The following NXPE2 variants were observed in gnomAD, a reference collection of about 807,000 sequenced individuals.
NXPE2 encodes NXPE family member 2.
Under a neutral mutation model 34.4 loss-of-function variants are expected in NXPE2, and 34 were observed. The ratio of observed to expected loss-of-function variants is 0.99; its 90% CI spans 0.75 to 1.31. The LOEUF (loss-of-function observed/expected upper bound fraction) is 1.31. NXPE2 is among the 40% of genes most tolerant of loss of function. The probability of loss-of-function intolerance (pLI) is 0.00; values close to 1 mark genes in which losing one functional copy is unlikely to be tolerated. For missense variants in NXPE2, 649 were observed against 672.5 expected, an observed-to-expected ratio of 0.97 and a Z score of 0.39; for synonymous variants, 235 against 231.3, an observed-to-expected ratio of 1.02 and a Z score of -0.15.
At chr11:114,503,719 A>C in the NXPE2 span, among the ~76,000 whole-genome samples, 2 of 152,272 alleles carry the variant, frequency 1.3e-5, no homozygotes, top group South Asian at 4.1e-4. Flanking sequence ...AGAAATTGGC[A>C]GGGAGGCCGT....
the NXPE2 span, among the ~76,000 whole-genome samples, chr11:114,598,110 A>C: frequency 6.6e-6 from 1 of 152,314 alleles, no homozygotes; most frequent in South Asian, 2.1e-4. Context: ...TACATTCTAA[A>C]AGGGAAAAAT....
the NXPE2 span, among the ~76,000 whole-genome samples, chr11:114,519,604 C>A: frequency 6.6e-6 from 1 of 152,088 alleles, no homozygotes; most frequent in Non-Finnish European, 1.5e-5. Context: ...ATAATTCAAT[C>A]TGGTTTTAAA....
the NXPE2 span, among the ~76,000 whole-genome samples, chr11:114,806,045 G>A: frequency 2.0e-4 from 30 of 152,122 alleles, no homozygotes; most frequent in East Asian, 1.2e-3. Flanking sequence ...ACCAATATCC[G>A]CTGTTCTGCA....
chr11:114,551,201 T>G, the NXPE2 span: 1 of 1,529,452 alleles, frequency 6.5e-7, no homozygotes, highest in South Asian at 1.2e-5. Flanking sequence ...TTTGAGGACA[T>G]GACGAATGTC....
At chr11:114,695,696 T>C (rs1428612125) in intron 2 of NXPE2, among the ~76,000 whole-genome samples, 7 of 151,978 alleles carry the variant, frequency 4.6e-5, no homozygotes, top group Non-Finnish European at 5.9e-5. Context: ...TCAGAATGTA[T>C]AAAAAGAAGA....
the NXPE2 span, among the ~76,000 whole-genome samples, chr11:114,484,932 G>A: frequency 6.6e-6 from 1 of 152,134 alleles, no homozygotes; most frequent in South Asian, 2.1e-4. Context: ...GTGACTTAGA[G>A]CAAGTCAATT....
the NXPE2 span, among the ~76,000 whole-genome samples, chr11:114,786,142 A>G: frequency 6.6e-6 from 1 of 152,176 alleles, no homozygotes; most frequent in Non-Finnish European, 1.5e-5. Flanking sequence ...CTGAATTTGT[A>G]CTGAGCTTTG....
chr11:114,800,819 AAATCTG>A, the NXPE2 span, among the ~76,000 whole-genome samples: 1 of 152,226 alleles, frequency 6.6e-6, no homozygotes, highest in Non-Finnish European at 1.5e-5. Context: ...TGTGGGGATT[AAATCTG>A]ACTAATGCAA....
At chr11:114,755,098 A>C in the NXPE2 span, among the ~76,000 whole-genome samples, 1 of 152,184 alleles carries the variant, frequency 6.6e-6, no homozygotes, top group East Asian at 1.9e-4. Flanking sequence ...GGAAAATGCA[A>C]GGACAATTGG....
chr11:114,470,903 T>C, the NXPE2 span, among the ~76,000 whole-genome samples: 1 of 152,208 alleles, frequency 6.6e-6, no homozygotes, highest in African/African-American at 2.4e-5. Flanking sequence ...AAAATACCTT[T>C]ACAGCAACAT....
At chr11:114,799,291 CAAA>C in the NXPE2 span, among the ~76,000 whole-genome samples, 63 of 94,274 alleles carry the variant, frequency 6.7e-4, no homozygotes, top group Middle Eastern at 7.0e-3. Context: ...GGCAATGAAG[CAAA>C]AAAAAAAAAA....
chr11:114,611,931 G>A, the NXPE2 span, among the ~76,000 whole-genome samples: 4 of 152,008 alleles, frequency 2.6e-5, no homozygotes, highest in African/African-American at 9.6e-5. Flanking sequence ...TTTGCCCGGT[G>A]GGTAACCACT....
the NXPE2 span, among the ~76,000 whole-genome samples, chr11:114,507,247 CAA>C: frequency 6.6e-5 from 6 of 91,390 alleles, no homozygotes; most frequent in Admixed American, 2.3e-4. Flanking sequence ...GCCAACCAAC[CAA>C]AAAAAAAAAA....
At chr11:114,537,782 G>A in the NXPE2 span, among the ~76,000 whole-genome samples, 1 of 151,624 alleles carries the variant, frequency 6.6e-6, no homozygotes, top group Non-Finnish European at 1.5e-5. Flanking sequence ...AAATAAAAGA[G>A]GATACAAACA....
At chr11:114,799,651 C>T in the NXPE2 span, among the ~76,000 whole-genome samples, 3 of 152,316 alleles carry the variant, frequency 2.0e-5, no homozygotes, top group Middle Eastern at 3.4e-3. Context: ...TCTTCCAGGC[C>T]TGTGAGGCAG....
At chr11:114,697,995 A>C in intron 2 of NXPE2, 50 bp from the exon 3 acceptor site, 1 of 1,409,110 alleles carries the variant, frequency 7.1e-7, no homozygotes, top group Non-Finnish European at 9.3e-7. Context: ...ATTGAAAAGC[A>C]AGCCCTATTG....
the NXPE2 span, among the ~76,000 whole-genome samples, chr11:114,565,387 T>G: frequency 6.6e-6 from 1 of 152,218 alleles, no homozygotes; most frequent in Non-Finnish European, 1.5e-5. Flanking sequence ...ATCATTGTAT[T>G]TTATTTAACA....
the NXPE2 span, among the ~76,000 whole-genome samples, chr11:114,647,705 A>ATTT: frequency 6.8e-6 from 1 of 147,456 alleles, no homozygotes; most frequent in Non-Finnish European, 1.5e-5. Flanking sequence ...ATTTTATTTT[A>ATTT]TTTTTTTTTT....
At chr11:114,530,569 C>T in the NXPE2 span, 1 of 1,613,982 alleles carries the variant, frequency 6.2e-7, no homozygotes, top group East Asian at 2.2e-5. Context: ...GCCGTCAGTG[C>T]TGGGGAGGAC....
Sources: allele counts gnomAD v4.1 joint callset (sites outside exome capture counted in the v4.1 genomes callset), GRCh38; gene constraint gnomAD v4.1.1; transcripts MANE v1.5; gene names NCBI Gene and HGNC (gene_info 2026-07-23, HGNC 2026-07-21).